The following OTOA variants were observed in gnomAD, a reference collection of about 807,000 sequenced individuals.
The protein encoded by OTOA is cancer/testis antigen 108.
A neutral mutation model predicts 110.8 loss-of-function variants in OTOA; 70 were observed. The observed-to-expected ratio is 0.63, with a 90% CI of 0.52 to 0.77. The LOEUF (loss-of-function observed/expected upper bound fraction) is 0.77, where lower values mean the gene tolerates loss of function less well. Among genes scored for constraint, OTOA ranks in the 30% least tolerant of loss-of-function variants. OTOA has a pLI of 0.00. For synonymous variants in OTOA, 373 were observed against 431.5 expected, an observed-to-expected ratio of 0.86 and a Z score of 1.68; for missense variants, 917 against 1,075.8, an observed-to-expected ratio of 0.85 and a Z score of 2.06.
intron 1 of OTOA, among the ~76,000 whole-genome samples, chr16:21,676,685 C>G (rs1966858467): frequency 6.6e-6 from 1 of 152,228 alleles, no homozygotes. Flanking sequence ...CTTCAGATCT[C>G]CAGAACTTTC....
chr16:21,684,320 T>A, intron 6 of OTOA: 3 of 1,359,284 alleles, frequency 2.2e-6, no homozygotes, highest in Non-Finnish European at 2.9e-6. Flanking sequence ...CATGTCTGTT[T>A]AACGGAGATT....
At chr16:21,722,259 C>CAAAAAAAAAAAAAAA (rs1320756375) in intron 17 of OTOA, among the ~76,000 whole-genome samples, 1 of 68,480 alleles carries the variant, frequency 1.5e-5, no homozygotes, top group Non-Finnish European at 2.9e-5. Context: ...GAGACTGTCT[C>CAAAAAAAAAAAAAAA]AAAAAAAAAA....
chr16:21,735,649 A>C (rs758420811), intron 21 of OTOA, among the ~76,000 whole-genome samples: 13 of 152,124 alleles, frequency 8.5e-5, no homozygotes, highest in Non-Finnish European at 1.6e-4. Flanking sequence ...GCTGGAGTGC[A>C]GTGGCATGCT....
chr16:21,713,844 C>T (rs1898432901), intron 13 of OTOA, among the ~76,000 whole-genome samples: 1 of 152,206 alleles, frequency 6.6e-6, no homozygotes, highest in African/African-American at 2.4e-5. Context: ...ATCCTTGTTT[C>T]TGGACCTTGA....
In OTOA at chr16:21,719,500, A is replaced by G. The variant is rs1457032135; in HGVS notation, c.1802A>G (p.Tyr601Cys). ...FQNNFALLSP[Y>C]QVNCLAWKYW... ...AACAACTTCGCCCTGCTTTCACCCT[A>G]TCAGGTACCGTTAAAGCATTTTCCA... The change falls in exon 17 of 29, where the codon TAT becomes TGT. Residue 601 changes from tyrosine to cysteine, a missense_variant. Physicochemically the swap from Tyr to Cys is radical, Grantham distance 194. Coordinates refer to ENST00000646100, the MANE Select transcript of OTOA (RefSeq NM_144672.4). 6.2e-7 allele frequency: 1 copy of G among 1,613,308 alleles called. No homozygotes were observed. Among genetic ancestry groups the G allele is most frequent in the African/African-American group, 1.3e-5 (1 of 74,932 alleles).
intron 28 of OTOA, among the ~76,000 whole-genome samples, chr16:21,759,902 A>AT (rs199876746): frequency 1.4e-4 from 21 of 148,788 alleles, no homozygotes; most frequent in South Asian, 2.1e-4. Context: ...TCTGTCTTAA[A>AT]TTTTTTTTTT....
chr16:21,692,927 C>CA (rs34170544), intron 9 of OTOA, among the ~76,000 whole-genome samples: 32,707 of 96,992 alleles, frequency 0.34, 6,029 homozygotes, highest in South Asian at 0.43. Flanking sequence ...GACTCTGTCT[C>CA]AAAAAAAAAA....
chr16:21,671,450 G>T (rs1966848889), intron 1 of OTOA, among the ~76,000 whole-genome samples: 2 of 151,750 alleles, frequency 1.3e-5, no homozygotes, highest in Admixed American at 6.6e-5. Flanking sequence ...AGCCTGGTGT[G>T]GTGGTGGGTA....
intron 15 of OTOA, among the ~76,000 whole-genome samples, chr16:21,717,381 C>T (rs1898590190): frequency 6.6e-6 from 1 of 152,050 alleles, no homozygotes; most frequent in Non-Finnish European, 1.5e-5. Flanking sequence ...TTCCGCAATG[C>T]AGTGAGTTAT....
Position 21,685,218 on chromosome 16 carries a change from C to T in OTOA, c.268-12C>T, listed in dbSNP as rs376188519. 8.7e-6 allele frequency: 14 copies of T among 1,611,082 alleles called. No homozygotes were observed. Among genetic ancestry groups the T allele is most frequent in the South Asian group, 6.6e-5 (6 of 90,974 alleles). Reference sequence around the variant, plus strand: ...TCTGTTCTCACCGACTCTCCCAACACCCCAAATACAGGCAGCCGTGGAAAA... The same window carrying T: ...TCTGTTCTCACCGACTCTCCCAACATCCCAAATACAGGCAGCCGTGGAAAA... On this transcript the variant is annotated splice_polypyrimidine_tract_variant and intron_variant, in intron 6 of 28. Coordinates refer to ENST00000646100, the MANE Select transcript of OTOA (RefSeq NM_144672.4).
In OTOA at chr16:21,726,599, T is replaced by A. The variant is rs1232555232; in HGVS notation, c.1957T>A (p.Ser653Thr). The A allele has an allele frequency of 2.5e-6, 4 of 1,614,018 alleles. No homozygotes were observed. The South Asian group carries it at 4.4e-5, about 18-fold the overall frequency. ...LISLGKSWLD[S>T]LVLDSHKKTS... ...CAGCCTGGGGAAGAGCTGGTTGGAC[T>A]CCTTGGTTTTAGATTCCCACAAAAA... is the stretch of plus-strand genomic sequence containing the variant. The change falls in exon 19 of 29, where the codon TCC becomes ACC. Residue 653 changes from serine to threonine, a missense_variant. Ser to Thr is a moderately conservative substitution (Grantham distance 58). Transcript: ENST00000646100.
At chr16:21,693,126 T>C (rs1267662914) in intron 9 of OTOA, among the ~76,000 whole-genome samples, 1 of 151,686 alleles carries the variant, frequency 6.6e-6, no homozygotes, top group Non-Finnish European at 1.5e-5. Context: ...AAGCCAGGTG[T>C]GGTGGCGTGC....
chr16:21,704,830 T>G (rs756060682), intron 11 of OTOA: 45 of 739,448 alleles, frequency 6.1e-5, no homozygotes, highest in Admixed American at 1.2e-4. Flanking sequence ...TAATGAGACT[T>G]GATCTGATTG....
At chr16:21,749,068 C>T (rs1271178356) in intron 24 of OTOA, 4 of 138,970 alleles carry the variant, frequency 2.9e-5, no homozygotes, top group Admixed American at 2.3e-4. Flanking sequence ...ATGAAAGAGT[C>T]CAGAGGGCAG....
chr16:21,710,967 C>T (rs1416101532), intron 13 of OTOA, among the ~76,000 whole-genome samples: 2 of 152,176 alleles, frequency 1.3e-5, no homozygotes, highest in Non-Finnish European at 2.9e-5. Flanking sequence ...TGTGCCACCA[C>T]ACTCCAGCCT....
rs774553484 is a variant in OTOA, at chr16:21,736,405, G to C, written c.2431+15G>C. 6.2e-7 allele frequency: 1 copy of C among 1,614,048 alleles called. No individual in the cohort carries two copies. Among genetic ancestry groups the C allele is most frequent in the Non-Finnish European group, 8.5e-7 (1 of 1,179,990 alleles). On this transcript the variant is annotated intron_variant, in intron 22 of 28. Coordinates refer to ENST00000646100, the MANE Select transcript of OTOA (RefSeq NM_144672.4). ...CCCTATGCCTGGTGAGTGTTTTCAG[G>C]GTATCTGAGCCATTGCTGACATAGT...
intron 7 of OTOA, among the ~76,000 whole-genome samples, chr16:21,686,722 C>A (rs917810984): frequency 6.6e-6 from 1 of 151,916 alleles, no homozygotes; most frequent in Non-Finnish European, 1.5e-5. Context: ...GACAACATGG[C>A]AAAACTCCAT....
intron 12 of OTOA, among the ~76,000 whole-genome samples, chr16:21,706,330 C>T (rs945391361): frequency 7.9e-5 from 12 of 152,168 alleles, no homozygotes; most frequent in African/African-American, 1.9e-4. Flanking sequence ...ATTCTGGAAC[C>T]GCTGCTCTGG....
At chr16:21,687,042 G>A (rs1483761347) in intron 7 of OTOA, among the ~76,000 whole-genome samples, 1 of 152,212 alleles carries the variant, frequency 6.6e-6, no homozygotes, top group African/African-American at 2.4e-5. Context: ...ATAAGGGAGG[G>A]AAATCTGATC....
Sources: allele counts gnomAD v4.1 joint callset (sites outside exome capture counted in the v4.1 genomes callset), GRCh38; gene constraint gnomAD v4.1.1; transcripts MANE v1.5; gene names NCBI Gene and HGNC (gene_info 2026-07-23, HGNC 2026-07-21).